LRRC4B: variants seen among roughly 807,000 people sequenced by gnomAD.
LRRC4B encodes leucine-rich repeat-containing protein 4B.
A neutral mutation model predicts 7.3 loss-of-function variants in LRRC4B; 1 was observed. The observed-to-expected ratio is 0.14, with a 90% CI of 0.05 to 0.65. The LOEUF (loss-of-function observed/expected upper bound fraction) is 0.65. Ranked by LOEUF, LRRC4B falls within the 30% of genes least tolerant of loss-of-function variation. LRRC4B has a pLI of 0.84. For synonymous variants in LRRC4B, 500 were observed against 499.2 expected (o/e 1.00, Z -0.02); for missense variants, 730 against 1,041.6 (o/e 0.70, Z 4.12).
rs568923427 is a variant in LRRC4B at position 50,555,114 on chromosome 19, G to A, written c.-35-6241C>T. 3.9e-3 allele frequency among the ~76,000 whole-genome samples: 601 copies of A among 152,318 alleles called. 9 individuals are homozygous for A. Among genetic ancestry groups the A allele is most frequent in the African/African-American group, 0.014 (569 of 41,584 alleles). On this transcript the variant is annotated intron_variant, in intron 1 of 2. Coordinates refer to ENST00000652263, the MANE Select transcript of LRRC4B (RefSeq NM_001080457.2). This position sits in a 1 kb window ranked among gnomAD's most constrained non-coding sequence, Gnocchi z 5.2. ...TGCCCTCTGCCCCCACGCACCCCTAGTAGTGATGGGAAATACTGATTACAT... is the reference window on the plus strand; with the variant it reads ...TGCCCTCTGCCCCCACGCACCCCTAATAGTGATGGGAAATACTGATTACAT...
chr19:50,546,902 TTCC>T (rs1196140247), intron 2 of LRRC4B, among the ~76,000 whole-genome samples: 5 of 152,206 alleles, frequency 3.3e-5, no homozygotes, highest in South Asian at 4.1e-4. Flanking sequence ...CTGGCTCCTT[TTCC>T]TCCTCATTTC....
At chr19:50,523,462 G>A (rs12327602) in intron 2 of LRRC4B, among the ~76,000 whole-genome samples, 19,826 of 150,836 alleles carry the variant, frequency 0.13, 1,431 homozygotes, top group South Asian at 0.16. Flanking sequence ...CAGATCAGTT[G>A]AGGTTGGGAG....
chr19:50,554,946 TG>T (rs1445095773), intron 1 of LRRC4B, among the ~76,000 whole-genome samples: 1 of 152,142 alleles, frequency 6.6e-6, no homozygotes, highest in African/African-American at 2.4e-5. Flanking sequence ...TGCCTGTGTG[TG>T]GGGGGCAGGG....
At position 50,518,313 on chromosome 19, in the gene LRRC4B, C is replaced by T. The variant is rs1980392828; in HGVS notation, c.1400G>A (p.Gly467Asp). The T allele has an allele frequency of 6.2e-7, 1 of 1,605,310 alleles. No individual in the cohort carries two copies. Among genetic ancestry groups the T allele is most frequent in the African/African-American group, 1.3e-5 (1 of 74,650 alleles). The part of the protein sequence containing the change: ...DPVAAGGTGS[G>D]GGGPGGSGGV... The stretch of plus-strand genomic sequence containing the variant: ...ACCACTGCCCCCAGGGCCGCCCCCG[C>T]CGCTGCCGGTGCCCCCGGCCGCCAC... The change falls in exon 3 of 3, where the codon GGC becomes GAC. Residue 467 changes from glycine to aspartate, a missense_variant. Physicochemically the swap from Gly to Asp is moderately conservative, Grantham distance 94 (BLOSUM62 -1). This residue lies in a region of LRRC4B where 192 missense variants were observed against 228.6 expected (regional missense o/e 0.84). Coordinates refer to ENST00000652263, the MANE Select transcript of LRRC4B (RefSeq NM_001080457.2).
rs1981343614 is a variant in LRRC4B, at chr19:50,537,523, G to A, written c.297+11019C>T. 6.6e-6 allele frequency among the ~76,000 whole-genome samples: 1 copy of A among 152,138 alleles called. No individual in the cohort carries two copies. Among genetic ancestry groups the A allele is most frequent in the Admixed American group, 6.5e-5 (1 of 15,268 alleles). On this transcript the variant is annotated intron_variant, in intron 2 of 2. Coordinates refer to ENST00000652263, the MANE Select transcript of LRRC4B (RefSeq NM_001080457.2). This position sits in a 1 kb window ranked among gnomAD's most constrained non-coding sequence, Gnocchi z 5.5. ...AGAACGCGGGTCTTGTGCCTCTCAG[G>A]ACTCGCAGGCTGCTCAACAGAGATG... is the stretch of plus-strand genomic sequence containing the variant.
In LRRC4B at chr19:50,554,809, ACT is replaced by A. The variant is rs759443484; in HGVS notation, c.-35-5938_-35-5937del. On this transcript the variant is annotated intron_variant, in intron 1 of 2. Coordinates refer to ENST00000652263, the MANE Select transcript of LRRC4B (RefSeq NM_001080457.2). The stretch of plus-strand genomic sequence containing the variant: ...TAGCAAAGCTGAGACACACAGAGGT[ACT>A]GTTAGTTGCCTAATGCGAAACACAC... Among the ~76,000 whole-genome samples the A allele has an allele frequency of 9.2e-5, 14 of 152,350 alleles. No individual in the cohort carries two copies. In the South Asian group the frequency reaches 2.9e-3, roughly 32 times the overall value.
intron 1 of LRRC4B, among the ~76,000 whole-genome samples, chr19:50,565,156 C>A (rs896593066): frequency 6.6e-6 from 1 of 152,184 alleles, no homozygotes; most frequent in African/African-American, 2.4e-5. Flanking sequence ...CACACACGTG[C>A]CTCCGACGCT....
intron 2 of LRRC4B, among the ~76,000 whole-genome samples, chr19:50,542,334 C>G (rs1434528489): frequency 1.3e-5 from 2 of 152,144 alleles, no homozygotes; most frequent in African/African-American, 2.4e-5. Context: ...CCCAGGGGGC[C>G]AGGGCATGTG....
chr19:50,529,533 G>A (rs1290993344), intron 2 of LRRC4B, among the ~76,000 whole-genome samples: 5 of 152,162 alleles, frequency 3.3e-5, no homozygotes, highest in South Asian at 2.1e-4. Flanking sequence ...GGCCGGACAC[G>A]GTGGCTCATG....
intron 2 of LRRC4B, among the ~76,000 whole-genome samples, chr19:50,532,954 G>T (rs1271304917): frequency 1.3e-5 from 2 of 152,182 alleles, no homozygotes; most frequent in Non-Finnish European, 2.9e-5. Context: ...CAGAACTTGG[G>T]AACGGAAAAG....
In LRRC4B at chr19:50,552,044, G is replaced by A. The variant is rs112365839; in HGVS notation, c.-35-3171C>T. Reference sequence around the variant, plus strand: ...GCCGAGGAGGCAGCCGAGGAAGGTCGGGGGAAGCGGGGGAGGAAGGTTGCC... The same window carrying A: ...GCCGAGGAGGCAGCCGAGGAAGGTCAGGGGAAGCGGGGGAGGAAGGTTGCC... On this transcript the variant is annotated intron_variant, in intron 1 of 2. Coordinates refer to ENST00000652263, the MANE Select transcript of LRRC4B (RefSeq NM_001080457.2). Among the ~76,000 whole-genome samples the A allele has an allele frequency of 6.1e-3, 933 of 152,180 alleles. 12 individuals are homozygous for A. Among genetic ancestry groups the A allele is most frequent in the African/African-American group, 0.02 (848 of 41,524 alleles).
intron 1 of LRRC4B, among the ~76,000 whole-genome samples, chr19:50,559,290 C>T (rs948153418): frequency 2.0e-5 from 3 of 152,126 alleles, no homozygotes; most frequent in Middle Eastern, 3.2e-3. Flanking sequence ...CAAAATTAGC[C>T]GTGCCTGGTG....
chr19:50,536,379 C>G lies in LRRC4B; in HGVS notation c.297+12163G>C, dbSNP rs557947391. On this transcript the variant is annotated intron_variant, in intron 2 of 2. Coordinates refer to ENST00000652263, the MANE Select transcript of LRRC4B (RefSeq NM_001080457.2). ...AAGCTCCTGACCTCAAGTGAGCACC[C>G]GCCTCAGCCTCCCGAAGTGCTAGGA... is the stretch of plus-strand genomic sequence containing the variant. Among the ~76,000 whole-genome samples the G allele has an allele frequency of 1.3e-5, 2 of 152,258 alleles. 1 individual carries two copies. Among genetic ancestry groups the G allele is most frequent in the African/African-American group, 4.8e-5 (2 of 41,564 alleles).
intron 1 of LRRC4B, among the ~76,000 whole-genome samples, chr19:50,554,704 C>T (rs1176091076): frequency 6.6e-6 from 1 of 152,242 alleles, no homozygotes; most frequent in African/African-American, 2.4e-5. Context: ...GGGCACCATT[C>T]TGGGAGCTTT....
chr19:50,552,250 A>G (rs1366790798), intron 1 of LRRC4B, among the ~76,000 whole-genome samples: 1 of 132,824 alleles, frequency 7.5e-6, no homozygotes, highest in South Asian at 2.3e-4. Context: ...AATCTTGCCC[A>G]GCGTTTTCCT....
intron 2 of LRRC4B, among the ~76,000 whole-genome samples, chr19:50,541,387 A>G (rs763215661): frequency 2.4e-4 from 36 of 150,136 alleles, no homozygotes; most frequent in South Asian, 6.3e-4. Context: ...AAAAAAAAGA[A>G]AAAGAAAAAG....
At chr19:50,543,190 G>A (rs573597378) in intron 2 of LRRC4B, among the ~76,000 whole-genome samples, 2 of 152,294 alleles carry the variant, frequency 1.3e-5, no homozygotes, top group Non-Finnish European at 2.9e-5. Context: ...CTGGGGATCC[G>A]GCAGGGAACA....
At chr19:50,522,173 G>A (rs527779238) in intron 2 of LRRC4B, among the ~76,000 whole-genome samples, 3 of 152,020 alleles carry the variant, frequency 2.0e-5, no homozygotes, top group Non-Finnish European at 4.4e-5. Context: ...GGGAGATCCC[G>A]TCCCCAAAAT....
In LRRC4B at chr19:50,556,169, G is replaced by T. The variant is rs895845575; in HGVS notation, c.-35-7296C>A. ...CTAGGAGCTGCTGATGAGGAAGCAGGACTAGGGGCTTGGCTCAGCTCACGA... is the reference window on the plus strand; with the variant it reads ...CTAGGAGCTGCTGATGAGGAAGCAGTACTAGGGGCTTGGCTCAGCTCACGA... On this transcript the variant is annotated intron_variant, in intron 1 of 2. Transcript: ENST00000652263. The surrounding 1 kb of genome is among the most constrained non-coding windows in gnomAD (Gnocchi z 4.2). Among the ~76,000 whole-genome samples, 2 of 152,126 alleles carry T rather than the reference G, an allele frequency of 1.3e-5. No individual in the cohort carries two copies. The highest frequency in any genetic ancestry group is 2.9e-5 in the Non-Finnish European group (2 of 68,008).
Sources: gnomAD v4.1 joint callset for allele counts (sites outside exome capture counted in the v4.1 genomes callset) on GRCh38, gnomAD v4.1.1 for gene constraint, gnomAD v4.1.1 regional missense constraint, Gnocchi (gnomAD v3.1) non-coding constraint, MANE v1.5 for transcripts, NCBI Gene and HGNC (gene_info 2026-07-23, HGNC 2026-07-21) for gene names.